Variants in VWA3B observed in about 807,000 individuals in gnomAD.
The protein encoded by VWA3B is von Willebrand factor A domain containing 3B, also known as von Willebrand factor A domain-containing protein 3B.
Under a neutral mutation model 158.3 loss-of-function variants are expected in VWA3B, and 138 were observed. That is an observed-to-expected ratio of 0.87 (90% CI 0.76 to 1.00). The LOEUF is 1.00. Among genes scored for constraint, VWA3B ranks in the 50% least tolerant of loss-of-function variants. The probability of loss-of-function intolerance (pLI) is 0.00; values close to 1 mark genes in which losing one functional copy is unlikely to be tolerated. For missense variants in VWA3B, 1,555 were observed against 1,565.1 expected (o/e 0.99, Z 0.11); for synonymous variants, 596 against 587.3 (o/e 1.01, Z -0.21).
chr2:98,134,448 T>G (rs1475998055), intron 7 of VWA3B, among the ~76,000 whole-genome samples: 1 of 152,170 alleles, frequency 6.6e-6, no homozygotes, highest in Non-Finnish European at 1.5e-5. Flanking sequence ...TCAGAGAACT[T>G]AATGAGCACA....
intron 7 of VWA3B, among the ~76,000 whole-genome samples, chr2:98,134,677 C>G (rs529432179): frequency 2.0e-5 from 3 of 152,040 alleles, no homozygotes; most frequent in African/African-American, 7.2e-5. Flanking sequence ...AGAAAGCTCA[C>G]CCCCACTCTC....
At chr2:98,300,314 C>A in intron 25 of VWA3B, 98 bp downstream of exon 25, 1 of 1,532,764 alleles carries the variant, frequency 6.5e-7, no homozygotes, top group Non-Finnish European at 8.9e-7. Context: ...TCCCTGGCTG[C>A]ATCTGCTGCC....
At chr2:98,296,031 GTCA>G (rs1162368751) in intron 23 of VWA3B, among the ~76,000 whole-genome samples, 1 of 152,230 alleles carries the variant, frequency 6.6e-6, no homozygotes, top group African/African-American at 2.4e-5. Flanking sequence ...CTAAAAAGAA[GTCA>G]TCATAACAGT....
At chr2:98,318,447 G>A in the VWA3B span, among the ~76,000 whole-genome samples, 19 of 152,242 alleles carry the variant, frequency 1.2e-4, no homozygotes, top group African/African-American at 4.1e-4. Flanking sequence ...GGAGGCCATT[G>A]TCCTCAGCAA....
intron 25 of VWA3B, among the ~76,000 whole-genome samples, chr2:98,301,751 C>T (rs62155303): frequency 0.039 from 5,927 of 152,214 alleles, 168 homozygotes; most frequent in Middle Eastern, 0.075. Context: ...GTCTTCTCTG[C>T]CTTCTGGGTA....
At chr2:98,329,840 T>G in the VWA3B span, among the ~76,000 whole-genome samples, 1 of 152,202 alleles carries the variant, frequency 6.6e-6, no homozygotes, top group Non-Finnish European at 1.5e-5. Context: ...AAATTCCATC[T>G]GTGGGCAGCA....
intron 1 of VWA3B, among the ~76,000 whole-genome samples, chr2:98,089,951 C>T (rs1218642456): frequency 1.3e-5 from 2 of 152,088 alleles, no homozygotes; most frequent in Non-Finnish European, 2.9e-5. Context: ...TTAAAAACAA[C>T]ACCTGTGACT....
chr2:98,129,794 G>A (rs1330034518), intron 6 of VWA3B, among the ~76,000 whole-genome samples: 2 of 152,042 alleles, frequency 1.3e-5, no homozygotes, highest in African/African-American at 4.8e-5. Flanking sequence ...CCTTTCCTAA[G>A]TTCTCCTTGA....
chr2:98,108,786 A>G (rs1192039662), intron 2 of VWA3B, among the ~76,000 whole-genome samples: 3 of 151,992 alleles, frequency 2.0e-5, no homozygotes, highest in Admixed American at 6.6e-5. Context: ...CTTTTTAAAA[A>G]AATCCTCTTT....
At chr2:98,097,603 G>T (rs183210774) in intron 2 of VWA3B, among the ~76,000 whole-genome samples, 1 of 152,238 alleles carries the variant, frequency 6.6e-6, no homozygotes, top group Non-Finnish European at 1.5e-5. Context: ...TTTCCTTTTG[G>T]TAGATACTCA....
downstream of VWA3B, among the ~76,000 whole-genome samples, chr2:98,314,285 T>A (rs1035866173): frequency 3.3e-5 from 5 of 152,020 alleles, no homozygotes; most frequent in Non-Finnish European, 5.9e-5. Flanking sequence ...ACCTGCGGAG[T>A]GGCCCTCTTC....
At chr2:98,250,760 G>GTA (rs1686749841) in intron 20 of VWA3B, among the ~76,000 whole-genome samples, 1 of 152,040 alleles carries the variant, frequency 6.6e-6, no homozygotes, top group South Asian at 2.1e-4. Context: ...AATTAGAAGA[G>GTA]TATAGTTGGA....
At chr2:98,155,742 G>A (rs2105197909) in intron 7 of VWA3B, among the ~76,000 whole-genome samples, 1 of 152,264 alleles carries the variant, frequency 6.6e-6, no homozygotes, top group African/African-American at 2.4e-5. Flanking sequence ...ATGACAGGTG[G>A]CCTGGAATGG....
intron 19 of VWA3B, among the ~76,000 whole-genome samples, chr2:98,243,841 T>C (rs1310053729): frequency 2.6e-5 from 4 of 152,174 alleles, no homozygotes; most frequent in African/African-American, 9.7e-5. Context: ...ATTCCCTGTG[T>C]GGGATTTACA....
At chr2:98,215,458 C>T (rs12988967) in intron 13 of VWA3B, among the ~76,000 whole-genome samples, 57 of 150,746 alleles carry the variant, frequency 3.8e-4, no homozygotes, top group African/African-American at 1.3e-3. Context: ...AAACAAAAAA[C>T]AAAAAACAAA....
chr2:98,141,009 G>T (rs1204648520), intron 7 of VWA3B, among the ~76,000 whole-genome samples: 3 of 152,196 alleles, frequency 2.0e-5, no homozygotes, highest in South Asian at 4.1e-4. Flanking sequence ...AGGTAGCAGG[G>T]TCACATTGCC....
rs1350366848 is a variant in VWA3B at position 98,290,765 on chromosome 2, G to A, written c.3157+143G>A. ...AGTCCACTTTTCACAGAGAAGAAGT[G>A]GAATATCTCTGGCCAGCTCATGAAA... is the stretch of plus-strand genomic sequence containing the variant. On this transcript the variant is annotated intron_variant, in intron 23 of 27. Transcript: ENST00000477737. The A allele has an allele frequency of 2.1e-5, 13 of 632,852 alleles. No individual in the cohort carries two copies. The African/African-American group carries it at 2.3e-4, about 11-fold the overall frequency. The allele number at this position is 632,852 out of a possible 1,614,324, so 39.2% of individuals were successfully genotyped here.
intron 8 of VWA3B, among the ~76,000 whole-genome samples, chr2:98,179,786 TTTTCTTTCTTTCTTTCTTTC>T (rs202210762): frequency 0.016 from 1,880 of 116,740 alleles, 58 homozygotes; most frequent in African/African-American, 0.053. Flanking sequence ...TTTCTCTTTC[TTTTCTTTCTTTCTTTCTTTC>T]TTTCTTTCTT....
In VWA3B at chr2:98,224,753, T is replaced by TAA. The variant is rs35784294; in HGVS notation, c.2020-3437_2020-3436dup. Reference sequence around the variant, plus strand: ...AAAGACAGATACTGGCAGTGTGAATTAAAAAAAAAAAAAGAACACAACCAA... The same window carrying TAA: ...AAAGACAGATACTGGCAGTGTGAATTAAAAAAAAAAAAAAAGAACACAACCAA... On this transcript the variant is annotated intron_variant, in intron 14 of 27. Transcript: ENST00000477737. Among the ~76,000 whole-genome samples the TAA allele has an allele frequency of 6.2e-3, 910 of 146,312 alleles. 3 individuals are homozygous for TAA. The highest frequency in any genetic ancestry group is 0.028 in the Middle Eastern group (8 of 286).
Sources: gnomAD v4.1 joint callset for allele counts (sites outside exome capture counted in the v4.1 genomes callset) on GRCh38, gnomAD v4.1.1 for gene constraint, MANE v1.5 for transcripts, NCBI Gene and HGNC (gene_info 2026-07-23, HGNC 2026-07-21) for gene names.